Variants in TPD52L2 observed in about 807,000 individuals in gnomAD.
TPD52L2 encodes TPD52 like 2.
Under a neutral mutation model 24.7 loss-of-function variants are expected in TPD52L2, and 19 were observed. The ratio of observed to expected loss-of-function variants is 0.77; its 90% CI spans 0.54 to 1.13. TPD52L2 has a LOEUF of 1.13. TPD52L2 is among the 50% of genes most tolerant of loss of function. The pLI, the probability that TPD52L2 is intolerant of heterozygous loss-of-function variation, is 0.00. For missense variants in TPD52L2, 236 were observed against 250.4 expected, an observed-to-expected ratio of 0.94 and a Z score of 0.39; for synonymous variants, 104 against 100.2, an observed-to-expected ratio of 1.04 and a Z score of -0.23.
At position 63,874,227 on chromosome 20, in the gene TPD52L2, TTTG is replaced by T. The variant is rs1205688957; in HGVS notation, c.314+413_314+415del. 3.4e-3 allele frequency among the ~76,000 whole-genome samples: 476 copies of T among 139,706 alleles called. 1 individual carries two copies. Among genetic ancestry groups the T allele is most frequent in the African/African-American group, 0.012 (447 of 37,118 alleles). 91.7% of individuals were successfully genotyped at this position (139,706 alleles called of 152,430 possible). A position where few individuals can be genotyped will look rare whatever the true frequency, so the allele number is the denominator to read the frequency against. On this transcript the variant is annotated intron_variant, in intron 3 of 6. Transcript: ENST00000346249. ...CCACCGCGCCCGGCTGATTTTTTTT[TTTG>T]TGTGTGTGTGTGTGTGTGTGTGTGT...
In TPD52L2 at chr20:63,875,152, A is replaced by ATATATAT. The variant is rs1555873182; in HGVS notation, c.315-664_315-663insTATATAT. On this transcript the variant is annotated intron_variant, in intron 3 of 6. Coordinates refer to ENST00000346249, the MANE Select transcript of TPD52L2 (RefSeq NM_003288.4). ...GCAAGACTCTGTCTCAAAAAAAAAA[A>ATATATAT]ATATATATATATATATATTTATATA... Among the ~76,000 whole-genome samples, 233 of 141,740 alleles carry ATATATAT rather than the reference A, an allele frequency of 1.6e-3. 3 individuals are homozygous for ATATATAT. In the East Asian group the frequency reaches 0.025, roughly 15 times the overall value. The allele number at this position is 141,740 out of a possible 152,430, so 93.0% of individuals were successfully genotyped here. A position where few individuals can be genotyped will look rare whatever the true frequency, so the allele number is the denominator to read the frequency against.
At position 63,869,364 on chromosome 20, in the gene TPD52L2, G is replaced by C. The variant is rs201444100; in HGVS notation, c.88G>C (p.Gly30Arg). The C allele has an allele frequency of 1.9e-5, 30 of 1,614,140 alleles. No individual in the cohort carries two copies. The highest frequency in any genetic ancestry group is 2.4e-5 in the Non-Finnish European group (28 of 1,180,048). Residue 30 changes from glycine (G) to arginine (R), a missense_variant, in exon 2 of 7, where the codon GGT (glycine) becomes CGT (arginine). Coordinates refer to ENST00000346249, the MANE Select transcript of TPD52L2 (RefSeq NM_003288.4). ...CATGACGGATGTTCCTGTCGACACAGGTGTGGCTGCCCGGACTCCTGCTGT... is the reference window on the plus strand; with the variant it reads ...CATGACGGATGTTCCTGTCGACACACGTGTGGCTGCCCGGACTCCTGCTGT... ...DSMTDVPVDTGVAARTPAVEG... is the reference protein window; with the variant it reads ...DSMTDVPVDTRVAARTPAVEG...
intron 2 of TPD52L2, 128 bp downstream of exon 2, chr20:63,869,569 T>G: frequency 8.5e-7 from 1 of 1,176,664 alleles, no homozygotes; most frequent in Non-Finnish European, 1.2e-6. Flanking sequence ...TGCTCTGTGT[T>G]CCGACTGATA....
intron 4 of TPD52L2, among the ~76,000 whole-genome samples, chr20:63,876,481 A>C (rs983511090): frequency 1.3e-5 from 2 of 152,120 alleles, no homozygotes; most frequent in Admixed American, 1.3e-4. Flanking sequence ...GTGACTCCTA[A>C]TATTTGGAGA....
chr20:63,866,552 C>T (rs933049548), intron 1 of TPD52L2, among the ~76,000 whole-genome samples: 1 of 152,068 alleles, frequency 6.6e-6, no homozygotes, highest in African/African-American at 2.4e-5. Context: ...GCTCCGCCTC[C>T]CGGGTTCACT....
chr20:63,889,169 C>G, intron 5 of TPD52L2, 21 bp from the exon 6 acceptor site: 1 of 1,612,246 alleles, frequency 6.2e-7, no homozygotes, highest in Non-Finnish European at 8.5e-7. Flanking sequence ...GACACCGACA[C>G]TCTTCCCTCT....
rs1367731271 is a variant in TPD52L2, at chr20:63,869,394, G to C, written c.118G>C (p.Gly40Arg). The C allele has an allele frequency of 6.2e-7, 1 of 1,614,204 alleles. No individual in the cohort carries two copies. The highest frequency in any genetic ancestry group is 8.5e-7 in the Non-Finnish European group (1 of 1,180,040). Residue 40 changes from glycine to arginine, a missense_variant, in exon 2 of 7, where the codon GGT (glycine) becomes CGT (arginine). Coordinates refer to ENST00000346249, the MANE Select transcript of TPD52L2 (RefSeq NM_003288.4). ...GVAARTPAVE[G>R]LTEAEEEELR... The stretch of plus-strand genomic sequence containing the variant: ...GGCTGCCCGGACTCCTGCTGTTGAG[G>C]GTCTGACAGAGGCTGAGGAGGAGGA...
intron 1 of TPD52L2, among the ~76,000 whole-genome samples, chr20:63,867,711 C>T (rs1462192796): frequency 6.6e-6 from 1 of 151,738 alleles, no homozygotes; most frequent in Non-Finnish European, 1.5e-5. Flanking sequence ...AGAAGAGTAT[C>T]TTTGTTAAGT....
At chr20:63,874,682 G>A (rs1196526483) in intron 3 of TPD52L2, among the ~76,000 whole-genome samples, 3 of 152,126 alleles carry the variant, frequency 2.0e-5, no homozygotes, top group Admixed American at 6.6e-5. Context: ...GCTTATATAC[G>A]TGTTCTAAAA....
At chr20:63,873,856 G>T (rs780214406) in intron 3 of TPD52L2, 40 bp downstream of exon 3, 1 of 1,445,042 alleles carries the variant, frequency 6.9e-7, no homozygotes, top group Non-Finnish European at 9.1e-7. Flanking sequence ...GGGCTGAAGA[G>T]AACGGGCACC....
At chr20:63,869,070 G>T (rs769533696) in intron 1 of TPD52L2, among the ~76,000 whole-genome samples, 3 of 152,238 alleles carry the variant, frequency 2.0e-5, no homozygotes, top group Non-Finnish European at 4.4e-5. Context: ...CATTTGTCGT[G>T]CCCTGAAGCA....
In TPD52L2 at chr20:63,865,376, C is replaced by T. The variant is rs751064476; in HGVS notation, c.11C>T (p.Ala4Val). Reference protein sequence around the residue: MDSAGQDINLNSPN... With the variant: MDSVGQDINLNSPN... The stretch of plus-strand genomic sequence containing the variant: ...GGACGCCGCCCGAACATGGACTCCG[C>T]CGGCCAAGGTACCTGCCGGGCCCGG... The change falls in exon 1 of 7, where the codon GCC (alanine) becomes GTC (valine). Residue 4 changes from alanine (A) to valine (V), a missense_variant. Coordinates refer to ENST00000346249, the MANE Select transcript of TPD52L2 (RefSeq NM_003288.4). 2 of 1,530,450 alleles carry T rather than the reference C, an allele frequency of 1.3e-6. No individual in the cohort carries two copies. The highest frequency in any genetic ancestry group is 8.7e-7 in the Non-Finnish European group (1 of 1,144,190). The allele number at this position is 1,530,450 out of a possible 1,614,324, so 94.8% of individuals were successfully genotyped here.
At chr20:63,865,411 C>T (rs1261019238) in intron 1 of TPD52L2, 27 bp downstream of exon 1, 2 of 1,527,652 alleles carry the variant, frequency 1.3e-6, no homozygotes, top group South Asian at 1.2e-5. Flanking sequence ...GCCCCTTCGC[C>T]GCAGATGGGC....
intron 1 of TPD52L2, among the ~76,000 whole-genome samples, chr20:63,868,772 C>T (rs889495848): frequency 2.6e-5 from 4 of 152,170 alleles, no homozygotes; most frequent in African/African-American, 9.7e-5. Context: ...GACGAAACCC[C>T]GTCTCTACTG....
chr20:63,886,399 C>T lies in TPD52L2; in HGVS notation c.477-2791C>T, dbSNP rs567003998. Among the ~76,000 whole-genome samples the T allele has an allele frequency of 4.0e-4, 60 of 151,636 alleles. 1 individual carries two copies. The highest frequency in any genetic ancestry group is 1.5e-3 in the South Asian group (7 of 4,798). ...TTTTTTAGACGGAGTCTTGCTCTGT[C>T]GCCCAGGTTGGAGTGCCGTGGCGCG... On this transcript the variant is annotated intron_variant, in intron 5 of 6. Transcript: ENST00000346249.
At chr20:63,867,606 G>T (rs1014807228) in intron 1 of TPD52L2, among the ~76,000 whole-genome samples, 1 of 151,802 alleles carries the variant, frequency 6.6e-6, no homozygotes, top group South Asian at 2.1e-4. Flanking sequence ...AAGTGGATAC[G>T]CTTCGTTTAG....
rs200018733 is a variant in TPD52L2, at chr20:63,865,382, A to G, written c.17A>G (p.Gln6Arg). 1.9e-3 allele frequency: 2,978 copies of G among 1,530,208 alleles called. 4 individuals are homozygous for G. Among genetic ancestry groups the G allele is most frequent in the Non-Finnish European group, 2.3e-3 (2,675 of 1,143,916 alleles). 94.8% of individuals were successfully genotyped at this position (1,530,208 alleles called of 1,614,324 possible). Reference protein sequence around the residue: MDSAGQDINLNSPNKG... With the variant: MDSAGRDINLNSPNKG... ...CGCCCGAACATGGACTCCGCCGGCC[A>G]AGGTACCTGCCGGGCCCGGCCCCTT... is the stretch of plus-strand genomic sequence containing the variant. Residue 6 changes from glutamine (Q) to arginine (R), a missense_variant and splice_region_variant, in exon 1 of 7, where the codon CAA (glutamine) becomes CGA (arginine). Gln to Arg is a conservative substitution (Grantham distance 43, BLOSUM62 1). Transcript: ENST00000346249.
intron 4 of TPD52L2, among the ~76,000 whole-genome samples, chr20:63,882,167 G>A (rs564281037): frequency 2.6e-5 from 4 of 152,240 alleles, no homozygotes; most frequent in Admixed American, 6.5e-5. Flanking sequence ...ACTCTGTGAC[G>A]CTCGTTCCCC....
intron 2 of TPD52L2, 144 bp from the exon 3 acceptor site, chr20:63,873,524 T>C: frequency 1.1e-6 from 1 of 901,434 alleles, no homozygotes; most frequent in Non-Finnish European, 1.6e-6. Context: ...AAATCAGATG[T>C]CTGCTGTAGA....
Sources: gnomAD v4.1 joint callset for allele counts (sites outside exome capture counted in the v4.1 genomes callset) on GRCh38, gnomAD v4.1.1 for gene constraint, MANE v1.5 for transcripts, NCBI Gene and HGNC (gene_info 2026-07-23, HGNC 2026-07-21) for gene names.